The following AK6 variants were observed in gnomAD, a reference collection of about 807,000 sequenced individuals.
AK6 encodes adenylate kinase 6.
Under a neutral mutation model 23.7 loss-of-function variants are expected in AK6, and 24 were observed. The observed-to-expected ratio is 1.01, with a 90% CI of 0.73 to 1.43. The LOEUF (loss-of-function observed/expected upper bound fraction) is 1.43. AK6 is among the 40% of genes most tolerant of loss of function. The pLI is 0.00. For missense variants in AK6, 191 were observed against 199.1 expected (o/e 0.96, Z 0.24); for synonymous variants, 73 against 69.8 (o/e 1.05, Z -0.23).
chr5:69,357,973 G>A (rs1762125293), intron 2 of AK6, among the ~76,000 whole-genome samples: 1 of 152,014 alleles, frequency 6.6e-6, no homozygotes, highest in Admixed American at 6.6e-5. Flanking sequence ...TATAGACTAG[G>A]CAGCAACATG....
intron 2 of AK6, chr5:69,365,548 C>T: frequency 6.2e-7 from 1 of 1,613,854 alleles, no homozygotes; most frequent in Non-Finnish European, 8.5e-7. Flanking sequence ...TCAACAGTAG[C>T]TTTCTTAGCA....
intron 2 of AK6, among the ~76,000 whole-genome samples, chr5:69,356,164 G>C (rs995963878): frequency 1.3e-5 from 2 of 152,172 alleles, no homozygotes; most frequent in South Asian, 4.1e-4. Context: ...GGGAAACTTG[G>C]ATTGCAATAT....
chr5:69,369,239 C>CCCCCCG, intron 1 of AK6: 1 of 212,970 alleles, frequency 4.7e-6, no homozygotes, highest in Non-Finnish European at 9.1e-6. Context: ...CCCCCCCGCC[C>CCCCCCG]CCCCCCGGAG....
chr5:69,367,256 T>G (rs140998444), intron 1 of AK6, among the ~76,000 whole-genome samples: 2,138 of 151,790 alleles, frequency 0.014, 46 homozygotes, highest in African/African-American at 0.049. Flanking sequence ...CTCATGCCTG[T>G]AATCACCGCA....
At chr5:69,359,353 TC>T (rs766399681) in intron 2 of AK6, among the ~76,000 whole-genome samples, 1 of 152,046 alleles carries the variant, frequency 6.6e-6, no homozygotes, top group Non-Finnish European at 1.5e-5. Flanking sequence ...CAAGCAATTC[TC>T]CCGCCTCAGC....
chr5:69,356,259 A>C (rs1432208188), intron 2 of AK6, among the ~76,000 whole-genome samples: 1 of 152,254 alleles, frequency 6.6e-6, no homozygotes, highest in Non-Finnish European at 1.5e-5. Context: ...CTACTAGAAG[A>C]GGACTACACT....
At chr5:69,366,632 A>C in intron 1 of AK6, 37 bp from the exon 2 acceptor site, 1 of 1,447,468 alleles carries the variant, frequency 6.9e-7, no homozygotes, top group Non-Finnish European at 9.7e-7. Flanking sequence ...TGTTTGTGAA[A>C]TACTACTTAT....
rs79259494 is a variant in AK6 at position 69,360,731 on chromosome 5, A to G, written c.122-4778T>C. Among the ~76,000 whole-genome samples the G allele has an allele frequency of 2.9e-3, 438 of 152,282 alleles. 6 individuals are homozygous for G. The highest frequency in any genetic ancestry group is 0.022 in the Admixed American group (336 of 15,290). On this transcript the variant is annotated intron_variant, in intron 2 of 4. Coordinates refer to ENST00000380822, the MANE Select transcript of AK6 (RefSeq NM_016283.5). ...CCAAGGCTTCCAGTGGGAGTTGATA[A>G]GGGGAGAGAAAAATGGGATTCAGAA...
At chr5:69,363,527 G>A (rs1228916163) in intron 2 of AK6, among the ~76,000 whole-genome samples, 2 of 152,250 alleles carry the variant, frequency 1.3e-5, no homozygotes, top group African/African-American at 4.8e-5. Context: ...GCCCACGCCT[G>A]TAATCCCAGC....
intron 2 of AK6, among the ~76,000 whole-genome samples, chr5:69,366,196 T>C (rs746315028): frequency 2.0e-5 from 3 of 152,252 alleles, no homozygotes; most frequent in African/African-American, 2.4e-5. Flanking sequence ...ACCAAACCTT[T>C]GTTTGTTCAA....
chr5:69,369,083 G>A, intron 1 of AK6: 1 of 330,758 alleles, frequency 3.0e-6, no homozygotes. Flanking sequence ...CCGGGAAGCA[G>A]ATATGGCCTT....
intron 2 of AK6, among the ~76,000 whole-genome samples, chr5:69,359,254 TA>T (rs1387891391): frequency 6.6e-6 from 1 of 151,742 alleles, no homozygotes; most frequent in Non-Finnish European, 1.5e-5. Flanking sequence ...TTTTTTTTTT[TA>T]AATTTTGAGA....
intron 4 of AK6, among the ~76,000 whole-genome samples, chr5:69,352,930 C>T (rs1424759703): frequency 6.6e-6 from 1 of 152,130 alleles, no homozygotes; most frequent in Non-Finnish European, 1.5e-5. Flanking sequence ...ATGATGTCCA[C>T]ACAAAAACAT....
At chr5:69,365,823 A>G in intron 2 of AK6, 1 of 1,174,280 alleles carries the variant, frequency 8.5e-7, no homozygotes, top group Admixed American at 2.9e-5. Flanking sequence ...AGCAACTGTC[A>G]GGAACTTAAA....
At chr5:69,361,970 T>C (rs922108551) in intron 2 of AK6, among the ~76,000 whole-genome samples, 12 of 53,326 alleles carry the variant, frequency 2.3e-4, no homozygotes, top group Admixed American at 3.5e-4. Flanking sequence ...CTTGATTCCC[T>C]TTTTTTTTTT....
intron 2 of AK6, among the ~76,000 whole-genome samples, chr5:69,362,892 T>G (rs1167627570): frequency 2.0e-5 from 3 of 152,124 alleles, no homozygotes; most frequent in African/African-American, 7.2e-5. Context: ...ATAATCTCAC[T>G]AATAACAAAG....
intron 2 of AK6, chr5:69,365,631 A>G: frequency 6.2e-7 from 1 of 1,614,120 alleles, no homozygotes. Context: ...CATCTGATTT[A>G]TAACTCTTGG....
chr5:69,361,969 CTTTTT>C (rs112797204), intron 2 of AK6, among the ~76,000 whole-genome samples: 136 of 104,826 alleles, frequency 1.3e-3, no homozygotes, highest in Non-Finnish European at 2.3e-3. Context: ...ACTTGATTCC[CTTTTT>C]TTTTTTTTTT....
upstream of AK6, chr5:69,369,587 C>T: frequency 6.2e-7 from 1 of 1,600,036 alleles, no homozygotes; most frequent in South Asian, 1.1e-5. Context: ...GCCCACGGCC[C>T]CAAAGGCCCC....
Sources: gnomAD v4.1 joint callset for allele counts (sites outside exome capture counted in the v4.1 genomes callset) on GRCh38, gnomAD v4.1.1 for gene constraint, MANE v1.5 for transcripts, NCBI Gene and HGNC (gene_info 2026-07-23, HGNC 2026-07-21) for gene names.